The following DPP10 variants were observed in gnomAD, a reference collection of about 807,000 sequenced individuals.
DPP10 encodes the protein dipeptidyl peptidase like 10.
In DPP10, 33 loss-of-function variants were observed where a neutral mutation model predicts 120.9. That is an observed-to-expected ratio of 0.27 (90% CI 0.21 to 0.37). The LOEUF is 0.37. Ranked by LOEUF, DPP10 falls within the 10% of genes least tolerant of loss-of-function variation. The pLI, the probability that DPP10 is intolerant of heterozygous loss-of-function variation, is 1.00. For synonymous variants in DPP10, 337 were observed against 326.1 expected (o/e 1.03, Z -0.36); for missense variants, 816 against 942.8 (o/e 0.87, Z 1.76).
intron 1 of DPP10, among the ~76,000 whole-genome samples, chr2:114,716,072 C>T (rs10197102): frequency 2.0e-5 from 3 of 148,242 alleles, no homozygotes; most frequent in East Asian, 2.0e-4. Context: ...AAAAAACAAA[C>T]GCACTTAAGA....
intron 3 of DPP10, among the ~76,000 whole-genome samples, chr2:115,449,289 T>C (rs1448519617): frequency 6.6e-6 from 1 of 152,096 alleles, no homozygotes; most frequent in Non-Finnish European, 1.5e-5. Context: ...CATGTTACTA[T>C]TGGAAATGTT....
chr2:115,824,499 G>A (rs1358298868), intron 21 of DPP10, among the ~76,000 whole-genome samples: 1 of 152,006 alleles, frequency 6.6e-6, no homozygotes, highest in South Asian at 2.1e-4. Flanking sequence ...AGGCACCAGT[G>A]TGTGATTTTC....
chr2:115,133,616 C>CA (rs1182068337), intron 1 of DPP10, among the ~76,000 whole-genome samples: 1 of 152,050 alleles, frequency 6.6e-6, no homozygotes, highest in African/African-American at 2.4e-5. Context: ...GAATGCTGCT[C>CA]TGAGAAGATG....
At chr2:115,213,516 C>T (rs576438314) in intron 1 of DPP10, among the ~76,000 whole-genome samples, 9 of 152,186 alleles carry the variant, frequency 5.9e-5, no homozygotes, top group South Asian at 2.1e-4. Flanking sequence ...TGCTTACCTT[C>T]GCTCTTTTTA....
chr2:114,937,702 G>A (rs1034872558), intron 1 of DPP10, among the ~76,000 whole-genome samples: 1 of 152,046 alleles, frequency 6.6e-6, no homozygotes, highest in Admixed American at 6.6e-5. Context: ...GGAAGATCTG[G>A]GCTGGTTCAC....
At chr2:115,455,013 A>C (rs577455016) in intron 3 of DPP10, among the ~76,000 whole-genome samples, 1 of 151,086 alleles carries the variant, frequency 6.6e-6, no homozygotes, top group East Asian at 1.9e-4. Flanking sequence ...TGTAAATGTA[A>C]GTATAATATA....
rs575324769 is a variant in DPP10, at chr2:114,533,204, C to G, written c.60+90366C>G. Reference sequence around the variant, plus strand: ...CTCTTGGGGTGCATTGGTCCAAACTCTGGGTTGCCCTTGAATGGGGGGAAC... The same window carrying G: ...CTCTTGGGGTGCATTGGTCCAAACTGTGGGTTGCCCTTGAATGGGGGGAAC... On this transcript the variant is annotated intron_variant, in intron 1 of 25. Coordinates refer to ENST00000410059, the MANE Select transcript of DPP10 (RefSeq NM_020868.6). Among the ~76,000 whole-genome samples the G allele has an allele frequency of 2.6e-5, 4 of 152,254 alleles. No individual in the cohort carries two copies. In the South Asian group the frequency reaches 8.3e-4, roughly 32 times the overall value.
chr2:114,980,605 G>A (rs1700019230), intron 1 of DPP10, among the ~76,000 whole-genome samples: 1 of 135,396 alleles, frequency 7.4e-6, no homozygotes. Context: ...ACAGTTTCTA[G>A]AACTTAGAAG....
intron 17 of DPP10, among the ~76,000 whole-genome samples, chr2:115,788,145 C>G (rs1683544780): frequency 6.6e-6 from 1 of 152,004 alleles, no homozygotes; most frequent in South Asian, 2.1e-4. Context: ...AAGATGAAAA[C>G]ACATCAGATT....
At chr2:115,353,163 T>A (rs574570034) in intron 3 of DPP10, among the ~76,000 whole-genome samples, 1 of 152,208 alleles carries the variant, frequency 6.6e-6, no homozygotes, top group Admixed American at 6.6e-5. Flanking sequence ...TCGGTTTGAG[T>A]TAAGAACGGT....
chr2:114,513,098 CT>C (rs747743446), intron 1 of DPP10, among the ~76,000 whole-genome samples: 1 of 152,042 alleles, frequency 6.6e-6, no homozygotes, highest in Non-Finnish European at 1.5e-5. Context: ...TTACAAGGCT[CT>C]TTTTTTCACA....
chr2:115,723,699 C>T (rs2092702649), intron 7 of DPP10, among the ~76,000 whole-genome samples: 1 of 150,628 alleles, frequency 6.6e-6, no homozygotes, highest in African/African-American at 2.4e-5. Flanking sequence ...TTTGCAATTG[C>T]CATTTTATAT....
chr2:115,816,558 T>TG (rs959493591), intron 21 of DPP10, among the ~76,000 whole-genome samples: 1 of 152,108 alleles, frequency 6.6e-6, no homozygotes, highest in African/African-American at 2.4e-5. Flanking sequence ...ATTTTGACAG[T>TG]GGGAAAATAG....
chr2:115,642,117 C>T lies in DPP10; in HGVS notation c.442-47570C>T, dbSNP rs543791226. ...TACACATTCCTGTAACTCTAACCAT[C>T]CAAATATGGTTTCTATATTCAAAAT... On this transcript the variant is annotated intron_variant, in intron 5 of 25. Transcript: ENST00000410059. Among the ~76,000 whole-genome samples, 6 of 152,062 alleles carry T rather than the reference C, an allele frequency of 3.9e-5. No individual in the cohort carries two copies. The South Asian group carries it at 6.3e-4, about 16-fold the overall frequency.
chr2:115,188,776 T>C (rs1363751371), intron 1 of DPP10, among the ~76,000 whole-genome samples: 3 of 152,184 alleles, frequency 2.0e-5, no homozygotes, highest in South Asian at 2.1e-4. Flanking sequence ...TATATACTTT[T>C]ACCCCTTGAC....
chr2:115,766,479 T>C (rs1680779591), intron 12 of DPP10, among the ~76,000 whole-genome samples: 1 of 151,484 alleles, frequency 6.6e-6, no homozygotes, highest in African/African-American at 2.4e-5. Context: ...TTCATATACA[T>C]ATTTTGCCAT....
At chr2:115,560,322 G>A (rs913428217) in intron 5 of DPP10, among the ~76,000 whole-genome samples, 2 of 130,006 alleles carry the variant, frequency 1.5e-5, no homozygotes, top group Non-Finnish European at 3.2e-5. Flanking sequence ...AGTGAGCCGA[G>A]GTGGTGCCAC....
chr2:115,070,557 G>C (rs1707281883), intron 1 of DPP10, among the ~76,000 whole-genome samples: 1 of 152,136 alleles, frequency 6.6e-6, no homozygotes, highest in African/African-American at 2.4e-5. Flanking sequence ...GTGTAAAACA[G>C]TGTTAACTGT....
At chr2:115,699,036 C>CAAAAAAAAA (rs1191197397) in intron 7 of DPP10, among the ~76,000 whole-genome samples, 2 of 50,786 alleles carry the variant, frequency 3.9e-5, no homozygotes, top group Non-Finnish European at 3.8e-5. Flanking sequence ...AAAAAAAAAA[C>CAAAAAAAAA]AAAAAAAAAA....
Sources: allele counts gnomAD v4.1 joint callset (sites outside exome capture counted in the v4.1 genomes callset), GRCh38; gene constraint gnomAD v4.1.1; transcripts MANE v1.5; gene names NCBI Gene and HGNC (gene_info 2026-07-23, HGNC 2026-07-21).